CNTNAP5: variants seen among roughly 807,000 people sequenced by gnomAD.
The protein encoded by CNTNAP5 is contactin associated protein family member 5, also known as contactin-associated protein-like 5.
In CNTNAP5, 72 loss-of-function variants were observed where a neutral mutation model predicts 150.2. The ratio of observed to expected loss-of-function variants is 0.48; its 90% CI spans 0.40 to 0.58. The LOEUF is 0.58. Among genes scored for constraint, CNTNAP5 ranks in the 20% least tolerant of loss-of-function variants. CNTNAP5 has a pLI of 0.00. For synonymous variants in CNTNAP5, 672 were observed against 619.8 expected (o/e 1.08, Z -1.25); for missense variants, 1,636 against 1,626.2 (o/e 1.01, Z -0.10).
chr2:124,851,233 G>A (rs1053684438), intron 19 of CNTNAP5, among the ~76,000 whole-genome samples: 4 of 152,140 alleles, frequency 2.6e-5, no homozygotes, highest in African/African-American at 9.7e-5. Context: ...ACAGGTGCCT[G>A]TAATCCCAGC....
At chr2:124,083,355 T>A (rs1391973891) in intron 1 of CNTNAP5, among the ~76,000 whole-genome samples, 1 of 152,022 alleles carries the variant, frequency 6.6e-6, no homozygotes, top group Non-Finnish European at 1.5e-5. Flanking sequence ...TGAGAGTCCA[T>A]CTCAAAAAAT....
At chr2:124,337,899 A>G (rs1689516270) in intron 3 of CNTNAP5, among the ~76,000 whole-genome samples, 1 of 152,068 alleles carries the variant, frequency 6.6e-6, no homozygotes, top group Admixed American at 6.6e-5. Flanking sequence ...AGTTTTTTCC[A>G]ATTCTGTGAA....
intron 2 of CNTNAP5, among the ~76,000 whole-genome samples, chr2:124,233,518 T>G (rs1042207987): frequency 3.9e-5 from 6 of 152,102 alleles, no homozygotes; most frequent in Non-Finnish European, 7.4e-5. Flanking sequence ...CTTCCACAAT[T>G]TGGTCATCTG....
At chr2:124,103,443 A>T (rs2104698746) in intron 1 of CNTNAP5, among the ~76,000 whole-genome samples, 1 of 152,182 alleles carries the variant, frequency 6.6e-6, no homozygotes, top group East Asian at 1.9e-4. Context: ...TCACTCACTG[A>T]GTCACCGAGA....
rs564943930 is a variant in CNTNAP5, at chr2:124,362,210, G to A, written c.382-55233G>A. On this transcript the variant is annotated intron_variant, in intron 3 of 23. Transcript: ENST00000682447. ...ACCCGCTGACCTGCGCCCACTGTCTGGCACTCCCTAGTGAGATGAACCCGG... is the reference window on the plus strand; with the variant it reads ...ACCCGCTGACCTGCGCCCACTGTCTAGCACTCCCTAGTGAGATGAACCCGG... Among the ~76,000 whole-genome samples the A allele has an allele frequency of 3.3e-4, 51 of 152,342 alleles. No homozygotes were observed. The South Asian group carries it at 0.011, about 32-fold the overall frequency.
At chr2:124,766,800 A>C (rs964539464) in intron 16 of CNTNAP5, among the ~76,000 whole-genome samples, 1 of 152,188 alleles carries the variant, frequency 6.6e-6, no homozygotes, top group East Asian at 1.9e-4. Context: ...TTACGTATCA[A>C]TGTCCAGTTT....
Position 124,355,324 on chromosome 2 carries a change from A to G in CNTNAP5, c.382-62119A>G, listed in dbSNP as rs143773839. ...CAGAAATAATGTTTGCCATTGGTAG[A>G]AATCTCATTTTAATTTTACAGAAAT... On this transcript the variant is annotated intron_variant, in intron 3 of 23. Coordinates refer to ENST00000682447, the MANE Select transcript of CNTNAP5 (RefSeq NM_001367498.1). Among the ~76,000 whole-genome samples the G allele has an allele frequency of 5.1e-3, 783 of 152,218 alleles. 12 individuals are homozygous for G. The highest frequency in any genetic ancestry group is 0.018 in the African/African-American group (754 of 41,534).
At chr2:124,720,893 G>T (rs1028177235) in intron 13 of CNTNAP5, among the ~76,000 whole-genome samples, 1 of 152,014 alleles carries the variant, frequency 6.6e-6, no homozygotes, top group East Asian at 1.9e-4. Context: ...ATAATTTATG[G>T]CCCCTTAATT....
chr2:124,122,456 T>G (rs2104717624), intron 1 of CNTNAP5, among the ~76,000 whole-genome samples: 1 of 152,312 alleles, frequency 6.6e-6, no homozygotes. Context: ...TAGCAGTCAA[T>G]CTAAGATAAA....
At chr2:124,701,711 T>A (rs1422818401) in intron 13 of CNTNAP5, among the ~76,000 whole-genome samples, 1 of 152,126 alleles carries the variant, frequency 6.6e-6, no homozygotes, top group Non-Finnish European at 1.5e-5. Context: ...ATAGTCATCT[T>A]AAATATGAAG....
chr2:124,623,519 C>G (rs975521688), intron 12 of CNTNAP5, among the ~76,000 whole-genome samples: 2 of 152,162 alleles, frequency 1.3e-5, no homozygotes, highest in African/African-American at 4.8e-5. Context: ...TGAGTAAAAC[C>G]CTCCATCTTT....
chr2:124,126,809 C>T (rs1313326543), intron 1 of CNTNAP5, among the ~76,000 whole-genome samples: 1 of 152,088 alleles, frequency 6.6e-6, no homozygotes, highest in Admixed American at 6.5e-5. Context: ...AGACAAAAAC[C>T]ACATGATTGT....
At chr2:124,075,183 T>G (rs1379012807) in intron 1 of CNTNAP5, among the ~76,000 whole-genome samples, 2 of 152,192 alleles carry the variant, frequency 1.3e-5, no homozygotes, top group Non-Finnish European at 2.9e-5. Flanking sequence ...GTGTTTCATT[T>G]CTTTATTAAA....
chr2:124,047,600 C>G (rs1573716199), intron 1 of CNTNAP5, among the ~76,000 whole-genome samples: 1 of 152,244 alleles, frequency 6.6e-6, no homozygotes, highest in African/African-American at 2.4e-5. Flanking sequence ...CCAACTGAAC[C>G]TCATTAATTC....
chr2:124,353,262 C>A lies in CNTNAP5; in HGVS notation c.382-64181C>A, dbSNP rs573898897. On this transcript the variant is annotated intron_variant, in intron 3 of 23. Coordinates refer to ENST00000682447, the MANE Select transcript of CNTNAP5 (RefSeq NM_001367498.1). ...TCTTTGATCCCCTTGTTTCAAATTT[C>A]TCACTAAAACAACAAAAACAGACCA... Among the ~76,000 whole-genome samples, 23 of 123,158 alleles carry A rather than the reference C, an allele frequency of 1.9e-4. No homozygotes were observed. The South Asian group carries it at 5.7e-3, about 31-fold the overall frequency. The allele number at this position is 123,158 out of a possible 152,430, so 80.8% of individuals were successfully genotyped here. A position where few individuals can be genotyped will look rare whatever the true frequency, so the allele number is the denominator to read the frequency against.
chr2:124,205,682 G>A (rs771389261), intron 1 of CNTNAP5, among the ~76,000 whole-genome samples: 15 of 152,184 alleles, frequency 9.9e-5, no homozygotes, highest in Admixed American at 3.9e-4. Context: ...GATTATAGGC[G>A]TAAGCCACCA....
intron 3 of CNTNAP5, among the ~76,000 whole-genome samples, chr2:124,302,092 C>A (rs1688578412): frequency 6.6e-6 from 1 of 152,120 alleles, no homozygotes; most frequent in African/African-American, 2.4e-5. Flanking sequence ...TGTCTGTAAG[C>A]CATGTAGTGA....
intron 1 of CNTNAP5, among the ~76,000 whole-genome samples, chr2:124,041,746 T>C (rs953078846): frequency 1.1e-4 from 17 of 152,184 alleles, no homozygotes; most frequent in African/African-American, 4.1e-4. Flanking sequence ...TTATATGTTG[T>C]CTTTTGTCTC....
At chr2:124,660,174 T>TGAA (rs1194252186) in intron 13 of CNTNAP5, among the ~76,000 whole-genome samples, 1 of 152,106 alleles carries the variant, frequency 6.6e-6, no homozygotes, top group Non-Finnish European at 1.5e-5. Context: ...TTTCACTGAA[T>TGAA]GAAGACATTT....
Sources: gnomAD v4.1 joint callset for allele counts (sites outside exome capture counted in the v4.1 genomes callset) on GRCh38, gnomAD v4.1.1 for gene constraint, MANE v1.5 for transcripts, NCBI Gene and HGNC (gene_info 2026-07-23, HGNC 2026-07-21) for gene names.